Variants in DAB1 observed in about 807,000 individuals in gnomAD.
DAB1 encodes the protein DAB adaptor protein 1, also known as disabled homolog 1.
A neutral mutation model predicts 64.6 loss-of-function variants in DAB1; 15 were observed. The ratio of observed to expected loss-of-function variants is 0.23; its 90% CI spans 0.16 to 0.36. DAB1 has a LOEUF of 0.36. DAB1 is among the 10% of genes least tolerant of loss of function. The pLI is 1.00. For synonymous variants in DAB1, 235 were observed against 251.9 expected (o/e 0.93, Z 0.64); for missense variants, 596 against 706.7 (o/e 0.84, Z 1.78).
intron 2 of DAB1, among the ~76,000 whole-genome samples, chr1:57,243,311 T>C (rs1402516957): frequency 1.3e-5 from 2 of 152,138 alleles, no homozygotes; most frequent in African/African-American, 4.8e-5. Context: ...AGAGATGTAC[T>C]TGAGAAAAAA....
chr1:57,693,114 C>G (rs1646783109), intron 6 of DAB1, among the ~76,000 whole-genome samples: 1 of 152,156 alleles, frequency 6.6e-6, no homozygotes, highest in African/African-American at 2.4e-5. Flanking sequence ...ACAACTTCTA[C>G]CGAGGGCCCC....
intron 5 of DAB1, among the ~76,000 whole-genome samples, chr1:57,914,816 T>C (rs1200438000): frequency 6.6e-6 from 1 of 152,176 alleles, no homozygotes; most frequent in African/African-American, 2.4e-5. Context: ...CATAAATGAT[T>C]CCCAAAGTAT....
chr1:57,703,037 C>T (rs7516452), intron 6 of DAB1, among the ~76,000 whole-genome samples: 44,011 of 151,708 alleles, frequency 0.29, 7,038 homozygotes, highest in South Asian at 0.49. Flanking sequence ...CAAAAATTAA[C>T]TCAAGGTAGA....
chr1:57,065,402 T>C (rs1017612252), intron 8 of DAB1, among the ~76,000 whole-genome samples: 2 of 152,154 alleles, frequency 1.3e-5, no homozygotes, highest in African/African-American at 2.4e-5. Flanking sequence ...CCTTGTCTTA[T>C]TGGGGGAGAT....
At chr1:58,300,612 G>GAAAGAAAGAAAGAAAGAAAGAAAA (rs1456432665) in intron 4 of DAB1, among the ~76,000 whole-genome samples, 2 of 44,552 alleles carry the variant, frequency 4.5e-5, no homozygotes, top group African/African-American at 1.5e-4. Context: ...AAGAAAGAAA[G>GAAAGAAAGAAAGAAAGAAAGAAAA]AGAGAGAGAG....
At chr1:57,787,419 A>C (rs1054674909) in intron 6 of DAB1, among the ~76,000 whole-genome samples, 1 of 152,178 alleles carries the variant, frequency 6.6e-6, no homozygotes, top group African/African-American at 2.4e-5. Flanking sequence ...AATTTAATGG[A>C]GAGAGAATAG....
At chr1:57,061,792 T>C (rs1650421084) in intron 9 of DAB1, among the ~76,000 whole-genome samples, 1 of 152,196 alleles carries the variant, frequency 6.6e-6, no homozygotes, top group Non-Finnish European at 1.5e-5. Flanking sequence ...AACATGCAGA[T>C]GTGCCTTTAT....
At chr1:57,866,149 C>T (rs113208395) in intron 1 of DAB1, among the ~76,000 whole-genome samples, 23 of 152,260 alleles carry the variant, frequency 1.5e-4, no homozygotes, top group Non-Finnish European at 2.4e-4. Context: ...AATTATGACT[C>T]ATTCTTCATT....
chr1:57,063,022 T>C (rs1027049576), intron 8 of DAB1, 79 bp from the exon 9 acceptor site: 13 of 1,294,604 alleles, frequency 1.0e-5, no homozygotes, highest in Non-Finnish European at 1.4e-5. Context: ...AGACTTCAAC[T>C]GCAAGCTGGC....
In DAB1 at chr1:58,432,319, T is replaced by C. The variant is rs1045031659; in HGVS notation, n.257+73741A>G. Among the ~76,000 whole-genome samples, 4 of 152,238 alleles carry C rather than the reference T, an allele frequency of 2.6e-5. 1 individual carries two copies. The highest frequency in any genetic ancestry group is 5.9e-5 in the Non-Finnish European group (4 of 68,046). ...AAACATTTTAATTTTACATTGTTTTTGGTGTACTTGTTACATCTGCCTTCT... is the reference window on the plus strand; with the variant it reads ...AAACATTTTAATTTTACATTGTTTTCGGTGTACTTGTTACATCTGCCTTCT... On this transcript the variant is annotated intron_variant and non_coding_transcript_variant, in intron 3 of 20. Coordinates refer to the DAB1 transcript ENST00000485760.
intron 1 of DAB1, among the ~76,000 whole-genome samples, chr1:57,375,037 C>G (rs556841083): frequency 6.6e-6 from 1 of 152,154 alleles, no homozygotes; most frequent in Non-Finnish European, 1.5e-5. Flanking sequence ...ATAGAACATT[C>G]ATTTAGTGCT....
In DAB1 at chr1:57,030,358, C is replaced by A. The variant is rs1646929077; in HGVS notation, c.724-4315G>T. Among the ~76,000 whole-genome samples the A allele has an allele frequency of 2.0e-5, 3 of 152,290 alleles. No individual in the cohort carries two copies. The South Asian group carries it at 6.2e-4, about 32-fold the overall frequency. ...ATGAAAACAGACTAATACAGAGGCCCAACCAGCTTTTGGCAAAGTTTAAGA... is the reference window on the plus strand; with the variant it reads ...ATGAAAACAGACTAATACAGAGGCCAAACCAGCTTTTGGCAAAGTTTAAGA... On this transcript the variant is annotated intron_variant, in intron 9 of 14. Coordinates refer to ENST00000371236, the MANE Select transcript of DAB1 (RefSeq NM_001365792.1).
intron 9 of DAB1, among the ~76,000 whole-genome samples, chr1:57,060,144 T>TATTTTATTTTATTTTATTTTA: frequency 6.7e-6 from 1 of 148,486 alleles, no homozygotes; most frequent in South Asian, 2.1e-4. Flanking sequence ...TATTTTATTT[T>TATTTTATTTTATTTTATTTTA]ATTTTATTTT....
At chr1:57,997,297 CAAGTGCTGG>C (rs1646440308) in intron 5 of DAB1, among the ~76,000 whole-genome samples, 1 of 152,202 alleles carries the variant, frequency 6.6e-6, no homozygotes, top group South Asian at 2.1e-4. Flanking sequence ...CAGGCCCTCT[CAAGTGCTGG>C]AAGTGCTGGC....
intron 1 of DAB1, among the ~76,000 whole-genome samples, chr1:57,367,302 A>G: frequency 6.6e-6 from 1 of 151,948 alleles, no homozygotes; most frequent in Non-Finnish European, 1.5e-5. Flanking sequence ...GTCACACAAA[A>G]TGGTACTCTG....
intron 1 of DAB1, chr1:57,862,418 G>T (rs72666134): frequency 6.6e-6 from 1 of 151,994 alleles, no homozygotes; most frequent in Non-Finnish European, 1.5e-5. Flanking sequence ...ATTACATAAC[G>T]TTTTCAATGT....
intron 4 of DAB1, among the ~76,000 whole-genome samples, chr1:58,227,509 G>T (rs1659553204): frequency 6.6e-6 from 1 of 152,136 alleles, no homozygotes; most frequent in Admixed American, 6.5e-5. Context: ...TAGGATTCAG[G>T]CTGTGTGTCC....
At chr1:57,837,231 C>T (rs1427445093) in intron 1 of DAB1, among the ~76,000 whole-genome samples, 1 of 152,202 alleles carries the variant, frequency 6.6e-6, no homozygotes, top group Admixed American at 6.5e-5. Flanking sequence ...GATTGTGACA[C>T]TTTCCTATTC....
chr1:57,803,227 G>A (rs1017090706), intron 6 of DAB1, among the ~76,000 whole-genome samples: 3 of 152,226 alleles, frequency 2.0e-5, no homozygotes, highest in Non-Finnish European at 4.4e-5. Context: ...GCAAATTGTA[G>A]TGAACTGTAC....
Sources: gnomAD v4.1 joint callset for allele counts (sites outside exome capture counted in the v4.1 genomes callset) on GRCh38, gnomAD v4.1.1 for gene constraint, MANE v1.5 for transcripts, NCBI Gene and HGNC (gene_info 2026-07-23, HGNC 2026-07-21) for gene names.